BCL10: variants seen among roughly 807,000 people sequenced by gnomAD.
BCL10 encodes the protein BCL10 immune signaling adaptor.
In BCL10, 5 loss-of-function variants were observed where a neutral mutation model predicts 19.2. The ratio of observed to expected loss-of-function variants is 0.26; its 90% CI spans 0.14 to 0.55. The LOEUF (loss-of-function observed/expected upper bound fraction) is 0.55. Among genes scored for constraint, BCL10 ranks in the 20% least tolerant of loss-of-function variants. The pLI is 0.94. For missense variants in BCL10, 201 were observed against 271.9 expected, an observed-to-expected ratio of 0.74 and a Z score of 1.83; for synonymous variants, 110 against 98.8, an observed-to-expected ratio of 1.11 and a Z score of -0.67.
intron 1 of BCL10, among the ~76,000 whole-genome samples, chr1:85,273,716 T>C (rs1465083125): frequency 6.6e-6 from 1 of 152,200 alleles, no homozygotes; most frequent in East Asian, 1.9e-4. Flanking sequence ...GCTCCATTCA[T>C]CTCCACTGCC....
Position 85,267,806 on chromosome 1 carries a change from G to T in BCL10, c.523C>A (p.Pro175Thr). The T allele has an allele frequency of 6.2e-7, 1 of 1,614,180 alleles. No homozygotes were observed. The highest frequency in any genetic ancestry group is 8.5e-7 in the Non-Finnish European group (1 of 1,180,044). The change falls in exon 3 of 3, where the codon CCT becomes ACT. Residue 175 changes from proline to threonine, a missense_variant. Pro to Thr is a conservative substitution (Grantham distance 38). Around this residue, in one of 3 missense-constraint regions of BCL10, gnomAD observed 126 missense variants for 136.6 expected, o/e 0.92. Coordinates refer to ENST00000648566, the MANE Select transcript of BCL10 (RefSeq NM_003921.5). Reference sequence around the variant, plus strand: ...TCAGTTCTGCCTACTTCTAGAACAGGCAAATTCAGAGAAGAATTAGTAGAA... The same window carrying T: ...TCAGTTCTGCCTACTTCTAGAACAGTCAAATTCAGAGAAGAATTAGTAGAA... ...FFSTNSSLNL[P>T]VLEVGRTENT...
chr1:85,271,175 T>A lies in BCL10; in HGVS notation c.58-269A>T, dbSNP rs141482032. ...ACCAGCTGAATCTAGAGGGCCTGGG[T>A]CCTTGGAAACAGGGAGGTCTGTTGA... On this transcript the variant is annotated intron_variant, in intron 1 of 2. Transcript: ENST00000648566. Among the ~76,000 whole-genome samples, 192 of 152,298 alleles carry A rather than the reference T, an allele frequency of 1.3e-3. 4 individuals are homozygous for A. The East Asian group carries it at 0.031, about 24-fold the overall frequency.
At chr1:85,272,858 A>G (rs1660404618) in intron 1 of BCL10, among the ~76,000 whole-genome samples, 1 of 152,222 alleles carries the variant, frequency 6.6e-6, no homozygotes, top group Non-Finnish European at 1.5e-5. Flanking sequence ...GTACACAGTA[A>G]GTACTCAATA....
rs1186988410 is a variant in BCL10, at chr1:85,276,424, C to A, written c.-72G>T. ...TGCGCCGCCCCGCCCTGGCTGGGGG[C>A]TTCGGCCTCCGGGTAATGGGGAAGA... On this transcript the variant is annotated 5_prime_UTR_variant, in exon 1 of 3. Transcript: ENST00000648566. The A allele has an allele frequency of 2.6e-6, 4 of 1,537,220 alleles. No homozygotes were observed. The highest frequency in any genetic ancestry group is 3.6e-6 in the Non-Finnish European group (4 of 1,112,810).
At chr1:85,270,143 T>C (rs971719561) in intron 2 of BCL10, among the ~76,000 whole-genome samples, 1 of 152,260 alleles carries the variant, frequency 6.6e-6, no homozygotes, top group African/African-American at 2.4e-5. Flanking sequence ...TGGTATTAAA[T>C]GAATACAAAT....
chr1:85,271,008 A>G (rs912582740), intron 1 of BCL10, 102 bp from the exon 2 acceptor site: 1 of 1,223,114 alleles, frequency 8.2e-7, no homozygotes, highest in Non-Finnish European at 1.2e-6. Flanking sequence ...ACAATGTTCT[A>G]AAGTCAGGAG....
chr1:85,273,885 G>C (rs115916472), intron 1 of BCL10, among the ~76,000 whole-genome samples: 4 of 152,068 alleles, frequency 2.6e-5, no homozygotes, highest in Non-Finnish European at 1.5e-5. Flanking sequence ...CTATACTTGG[G>C]GGGAAAAAAA....
chr1:85,268,029 T>C (rs1354310937), intron 2 of BCL10, 47 bp from the exon 3 acceptor site: 2 of 1,293,710 alleles, frequency 1.5e-6, no homozygotes, highest in African/African-American at 3.0e-5. Context: ...ACTAAAAAAA[T>C]GGAGTCACTG....
In BCL10 at chr1:85,276,549, G is replaced by A; in HGVS notation, c.-197C>T. ...TAGCGCTTCCGGCCCCGCCTCTGAG[G>A]TCGACGGCGACGCGAATCTACGCGA... On this transcript the variant is annotated 5_prime_UTR_variant, in exon 1 of 3. Coordinates refer to ENST00000648566, the MANE Select transcript of BCL10 (RefSeq NM_003921.5). 1 of 616,972 alleles carries A rather than the reference G, an allele frequency of 1.6e-6. No homozygotes were observed. Among genetic ancestry groups the A allele is most frequent in the Non-Finnish European group, 2.8e-6 (1 of 352,612 alleles). 38.2% of individuals were successfully genotyped at this position (616,972 alleles called of 1,614,324 possible). A position where few individuals can be genotyped will look rare whatever the true frequency, so the allele number is the denominator to read the frequency against.
At chr1:85,274,223 G>A (rs998703671) in intron 1 of BCL10, among the ~76,000 whole-genome samples, 2 of 152,176 alleles carry the variant, frequency 1.3e-5, no homozygotes, top group South Asian at 4.1e-4. Context: ...TAACGTCTCT[G>A]TTTGAAGCAG....
Position 85,275,392 on chromosome 1 carries a change from C to G in BCL10, c.57+904G>C, listed in dbSNP as rs557510275. 2.6e-5 allele frequency among the ~76,000 whole-genome samples: 4 copies of G among 152,104 alleles called. No homozygotes were observed. In the East Asian group the frequency reaches 5.8e-4, roughly 22 times the overall value. The stretch of plus-strand genomic sequence containing the variant: ...TGGTGAGTCACACCAATTGTGAGTA[C>G]AGTGTAATAAACCTTACAGGGAAGA... On this transcript the variant is annotated intron_variant, in intron 1 of 2. Transcript: ENST00000648566.
rs775726830 is a variant in BCL10 at position 85,276,392 on chromosome 1, C to G, written c.-40G>C. ...ATGGCGCTTCTTCCGGGTCCGGGAGCTCGGGCTGCGCCGCCCCGCCCTGGC... is the reference window on the plus strand; with the variant it reads ...ATGGCGCTTCTTCCGGGTCCGGGAGGTCGGGCTGCGCCGCCCCGCCCTGGC... On this transcript the variant is annotated 5_prime_UTR_variant, in exon 1 of 3. Coordinates refer to ENST00000648566, the MANE Select transcript of BCL10 (RefSeq NM_003921.5). The G allele has an allele frequency of 6.2e-7, 1 of 1,609,766 alleles. No homozygotes were observed.
In BCL10 at chr1:85,266,528, C is replaced by T. The variant is rs1464193491; in HGVS notation, c.*1099G>A. The T allele has an allele frequency of 2.2e-5, 4 of 185,114 alleles. No homozygotes were observed. The highest frequency in any genetic ancestry group is 3.4e-5 in the Non-Finnish European group (3 of 87,382). 11.5% of individuals were successfully genotyped at this position (185,114 alleles called of 1,614,324 possible). Reference sequence around the variant, plus strand: ...ATTTGTTCCAGTTATTTCAACTGTACATTGGTCCTCATTAAAAGAGAATGA... The same window carrying T: ...ATTTGTTCCAGTTATTTCAACTGTATATTGGTCCTCATTAAAAGAGAATGA... On this transcript the variant is annotated 3_prime_UTR_variant, in exon 3 of 3. Transcript: ENST00000648566.
chr1:85,268,463 CTT>C (rs1660264708), intron 2 of BCL10, among the ~76,000 whole-genome samples: 1 of 152,250 alleles, frequency 6.6e-6, no homozygotes, highest in Admixed American at 6.5e-5. Flanking sequence ...AGGATAGTCT[CTT>C]ATTATTAAAG....
At chr1:85,276,102 T>C (rs921621877) in intron 1 of BCL10, among the ~76,000 whole-genome samples, 194 bp downstream of exon 1, 6 of 152,204 alleles carry the variant, frequency 3.9e-5, no homozygotes, top group East Asian at 1.9e-4. Context: ...AAAACCTGGA[T>C]TGACAGATCA....
chr1:85,270,129 T>C (rs1239474797), intron 2 of BCL10, among the ~76,000 whole-genome samples: 1 of 152,228 alleles, frequency 6.6e-6, no homozygotes, highest in African/African-American at 2.4e-5. Context: ...TAGTTTTCTA[T>C]AAATGGTATT....
rs1274934480 is a variant in BCL10, at chr1:85,276,275, G to A, written c.57+21C>T. ...GCTGCAGCCCGCCCCCGCCCGCCCT[G>A]GGCACAGCTGCGTTACTCACGTCCT... is the stretch of plus-strand genomic sequence containing the variant. On this transcript the variant is annotated intron_variant, in intron 1 of 2. Coordinates refer to ENST00000648566, the MANE Select transcript of BCL10 (RefSeq NM_003921.5). The A allele has an allele frequency of 2.5e-6, 4 of 1,612,212 alleles. No individual in the cohort carries two copies. In the South Asian group the frequency reaches 4.4e-5, roughly 18 times the overall value.
At position 85,267,586 on chromosome 1, in the gene BCL10, A is replaced by G. The variant is rs1410938184; in HGVS notation, c.*41T>C. 2.0e-6 allele frequency: 3 copies of G among 1,472,290 alleles called. No individual in the cohort carries two copies. The Admixed American group carries it at 6.9e-5, about 34-fold the overall frequency. The allele number at this position is 1,472,290 out of a possible 1,614,324, so 91.2% of individuals were successfully genotyped here. ...TTTATAAAAAGTCATATTCTTTAAA[A>G]CATTTTTTGTCATCATTAAAAATTA... is the stretch of plus-strand genomic sequence containing the variant. On this transcript the variant is annotated 3_prime_UTR_variant, in exon 3 of 3. Coordinates refer to ENST00000648566, the MANE Select transcript of BCL10 (RefSeq NM_003921.5).
intron 2 of BCL10, among the ~76,000 whole-genome samples, chr1:85,270,221 T>C (rs1174397650): frequency 6.6e-6 from 1 of 152,222 alleles, no homozygotes; most frequent in African/African-American, 2.4e-5. Flanking sequence ...TAAGTGCAAA[T>C]TGAATATAAT....
Sources: allele counts gnomAD v4.1 joint callset (sites outside exome capture counted in the v4.1 genomes callset), GRCh38; gene constraint gnomAD v4.1.1; regional missense constraint gnomAD v4.1.1; transcripts MANE v1.5; gene names NCBI Gene and HGNC (gene_info 2026-07-23, HGNC 2026-07-21).